MAPK10: variants seen among roughly 807,000 people sequenced by gnomAD.
MAPK10 encodes mitogen-activated protein kinase 10.
In MAPK10, 25 loss-of-function variants were observed where a neutral mutation model predicts 59.3. That is an observed-to-expected ratio of 0.42 (90% confidence interval 0.31 to 0.59). The LOEUF (loss-of-function observed/expected upper bound fraction) is 0.59, where lower values mean the gene tolerates loss of function less well. Ranked by LOEUF, MAPK10 falls within the 20% of genes least tolerant of loss-of-function variation. The pLI, the probability that MAPK10 is intolerant of heterozygous loss-of-function variation, is 0.15. For synonymous variants in MAPK10, 190 were observed against 200.5 expected (o/e 0.95, Z 0.44); for missense variants, 351 against 568.9 (o/e 0.62, Z 3.90).
chr4:86,452,576 A>G (rs994872549), intron 1 of MAPK10, among the ~76,000 whole-genome samples: 11 of 152,190 alleles, frequency 7.2e-5, no homozygotes, highest in Non-Finnish European at 1.5e-4. Context: ...TGTTTCTGAT[A>G]ATTTATTAAA....
At chr4:86,423,668 T>C (rs1746823459) in intron 1 of MAPK10, among the ~76,000 whole-genome samples, 2 of 150,974 alleles carry the variant, frequency 1.3e-5, no homozygotes, top group South Asian at 2.1e-4. Flanking sequence ...AGGAATAGCA[T>C]GAGAATGGTG....
At chr4:86,023,812 A>AATATATAT (rs368982706) in intron 13 of MAPK10, 1,899 of 100,192 alleles carry the variant, frequency 0.019, 28 homozygotes, top group African/African-American at 0.029. Flanking sequence ...AGATCAAATG[A>AATATATAT]ATATATATAT....
intron 1 of MAPK10, among the ~76,000 whole-genome samples, chr4:86,416,061 C>A (rs922693870): frequency 1.3e-5 from 2 of 152,120 alleles, no homozygotes; most frequent in African/African-American, 4.8e-5. Flanking sequence ...TACGTTGAAG[C>A]CCTAAAGTCC....
chr4:86,274,430 G>C (rs901044971), intron 2 of MAPK10, among the ~76,000 whole-genome samples: 1 of 151,878 alleles, frequency 6.6e-6, no homozygotes, highest in African/African-American at 2.4e-5. Context: ...AATGTTAAAA[G>C]AGATCTAATG....
chr4:86,542,932 C>G (rs1180004243), intron 1 of MAPK10, among the ~76,000 whole-genome samples: 1 of 152,180 alleles, frequency 6.6e-6, no homozygotes, highest in African/African-American at 2.4e-5. Context: ...GCATCAGCCC[C>G]AGATCCAGCA....
At chr4:86,319,646 T>C (rs4693140) in intron 2 of MAPK10, among the ~76,000 whole-genome samples, 46,536 of 152,070 alleles carry the variant, frequency 0.31, 7,531 homozygotes, top group Non-Finnish European at 0.37. Context: ...GGAGGCACCA[T>C]ACCTTTCTTC....
chr4:86,430,410 A>G (rs1334088158), intron 1 of MAPK10, among the ~76,000 whole-genome samples: 1 of 152,172 alleles, frequency 6.6e-6, no homozygotes, highest in East Asian at 1.9e-4. Context: ...TATTTTAAAC[A>G]ATTATTTACC....
At chr4:86,445,014 T>C (rs553063166) in intron 1 of MAPK10, among the ~76,000 whole-genome samples, 59 of 152,338 alleles carry the variant, frequency 3.9e-4, no homozygotes, top group African/African-American at 1.2e-3. Context: ...AGTGTGGCGA[T>C]TCCTGAAAGA....
Position 86,094,403 on chromosome 4 carries a change from T to C in MAPK10, c.802+4121A>G, listed in dbSNP as rs186207946. Among the ~76,000 whole-genome samples, 9 of 152,112 alleles carry C rather than the reference T, an allele frequency of 5.9e-5. No individual in the cohort carries two copies. In the East Asian group the frequency reaches 1.7e-3, roughly 29 times the overall value. ...ATTTTAGCAGTCCAGCTGTTAGCTT[T>C]GGATATAATATACTTGAGGTCCAGA... On this transcript the variant is annotated intron_variant, in intron 9 of 13. Transcript: ENST00000641462.
intron 1 of MAPK10, among the ~76,000 whole-genome samples, chr4:86,359,432 A>G (rs2148981891): frequency 6.6e-6 from 1 of 151,274 alleles, no homozygotes; most frequent in South Asian, 2.1e-4. Flanking sequence ...CCTCACTCCA[A>G]ATGGAAAGGT....
At chr4:86,178,060 A>C (rs948904031) in intron 3 of MAPK10, among the ~76,000 whole-genome samples, 5 of 152,110 alleles carry the variant, frequency 3.3e-5, no homozygotes, top group Admixed American at 6.6e-5. Context: ...TAATTTTGAC[A>C]CTAACAACTC....
intron 2 of MAPK10, among the ~76,000 whole-genome samples, chr4:86,266,700 C>A (rs2148759071): frequency 6.6e-6 from 1 of 152,056 alleles, no homozygotes; most frequent in African/African-American, 2.4e-5. Context: ...CATAAATGAA[C>A]CAGAATTTTG....
chr4:86,236,865 T>C (rs573194175), intron 2 of MAPK10, among the ~76,000 whole-genome samples: 1 of 152,272 alleles, frequency 6.6e-6, no homozygotes, highest in Non-Finnish European at 1.5e-5. Context: ...AATAGGTTCT[T>C]TATTTTTTCT....
intron 1 of MAPK10, among the ~76,000 whole-genome samples, chr4:86,403,577 A>G (rs903731091): frequency 6.6e-6 from 1 of 152,172 alleles, no homozygotes; most frequent in African/African-American, 2.4e-5. Flanking sequence ...TATAAAGGAA[A>G]GAGGCTTAAT....
At chr4:86,459,061 C>T (rs1399048414) in intron 1 of MAPK10, among the ~76,000 whole-genome samples, 1 of 150,814 alleles carries the variant, frequency 6.6e-6, no homozygotes, top group African/African-American at 2.4e-5. Flanking sequence ...AACAAATTAG[C>T]AAGAAAAAAA....
rs897801206 is a variant in MAPK10, at chr4:86,395,752, C to G, written c.-121-41108G>C. ...AGATTTCATTACTGGTGAGGGTTCTCTTCCTGGCTTGCAGAGGGCTGCTTC... is the reference window on the plus strand; with the variant it reads ...AGATTTCATTACTGGTGAGGGTTCTGTTCCTGGCTTGCAGAGGGCTGCTTC... On this transcript the variant is annotated intron_variant, in intron 1 of 13. Coordinates refer to the MAPK10 transcript ENST00000361569. 2.0e-5 allele frequency among the ~76,000 whole-genome samples: 3 copies of G among 152,290 alleles called. No individual in the cohort carries two copies. The East Asian group carries it at 5.8e-4, about 29-fold the overall frequency.
chr4:86,376,641 T>C (rs17011843), intron 1 of MAPK10, among the ~76,000 whole-genome samples: 26,945 of 152,094 alleles, frequency 0.18, 2,492 homozygotes, highest in East Asian at 0.25. Context: ...AGAAACCATA[T>C]TTATTAAGGA....
At chr4:86,370,670 C>G (rs1334524256) in intron 1 of MAPK10, 1 of 152,030 alleles carries the variant, frequency 6.6e-6, no homozygotes, top group African/African-American at 2.4e-5. Context: ...AACCTCAACA[C>G]AGTCATGCAA....
chr4:86,029,658 T>A (rs1029121641), intron 12 of MAPK10, among the ~76,000 whole-genome samples: 1 of 152,178 alleles, frequency 6.6e-6, no homozygotes, highest in Non-Finnish European at 1.5e-5. Context: ...TTCTGAATTC[T>A]TTGGGGGAAG....
Sources: gnomAD v4.1 joint callset for allele counts (sites outside exome capture counted in the v4.1 genomes callset) on GRCh38, gnomAD v4.1.1 for gene constraint, MANE v1.5 for transcripts, NCBI Gene and HGNC (gene_info 2026-07-23, HGNC 2026-07-21) for gene names.